Variants in CADPS observed in about 807,000 individuals in gnomAD.
CADPS encodes the protein calcium dependent secretion activator.
Under a neutral mutation model 167.3 loss-of-function variants are expected in CADPS, and 57 were observed. The observed-to-expected ratio is 0.34, with a 90% CI of 0.28 to 0.42. The LOEUF (loss-of-function observed/expected upper bound fraction) is 0.42, where lower values mean the gene tolerates loss of function less well. Among genes scored for constraint, CADPS ranks in the 20% least tolerant of loss-of-function variants. CADPS has a pLI of 1.00. For missense variants in CADPS, 1,414 were observed against 1,738.1 expected, an observed-to-expected ratio of 0.81 and a Z score of 3.32; for synonymous variants, 676 against 635.3, an observed-to-expected ratio of 1.06 and a Z score of -0.96.
intron 28 of CADPS, among the ~76,000 whole-genome samples, chr3:62,418,471 T>C (rs1401844936): frequency 6.7e-6 from 1 of 149,402 alleles, no homozygotes; most frequent in Non-Finnish European, 1.5e-5. Flanking sequence ...ACTACAGGTA[T>C]GCAACACCAT....
intron 6 of CADPS, among the ~76,000 whole-genome samples, chr3:62,643,507 T>G (rs2067876722): frequency 6.6e-6 from 1 of 152,210 alleles, no homozygotes; most frequent in East Asian, 1.9e-4. Flanking sequence ...TAGTTATGAG[T>G]AAGTATGTGT....
chr3:62,820,442 G>A (rs1165702488), intron 1 of CADPS, among the ~76,000 whole-genome samples: 1 of 152,006 alleles, frequency 6.6e-6, no homozygotes, highest in African/African-American at 2.4e-5. Flanking sequence ...CCAATACTCT[G>A]GGGTTTTCTC....
intron 10 of CADPS, among the ~76,000 whole-genome samples, chr3:62,556,487 A>G (rs2078167256): frequency 6.6e-6 from 1 of 152,192 alleles, no homozygotes; most frequent in African/African-American, 2.4e-5. Context: ...TGGAAGAGCA[A>G]TATGGGAGTA....
intron 9 of CADPS, among the ~76,000 whole-genome samples, chr3:62,566,056 C>T (rs2080120158): frequency 1.3e-5 from 2 of 152,186 alleles, no homozygotes; most frequent in Non-Finnish European, 2.9e-5. Flanking sequence ...TTGTGTGCTG[C>T]TAGCTCTCTA....
intron 1 of CADPS, among the ~76,000 whole-genome samples, chr3:62,812,736 C>A (rs1157769205): frequency 6.6e-6 from 1 of 152,054 alleles, no homozygotes; most frequent in Non-Finnish European, 1.5e-5. Flanking sequence ...GATGTTGGAC[C>A]CCTTTCTGAA....
intron 22 of CADPS, among the ~76,000 whole-genome samples, chr3:62,480,484 T>C (rs1345333355): frequency 6.6e-6 from 1 of 152,220 alleles, no homozygotes; most frequent in Non-Finnish European, 1.5e-5. Flanking sequence ...ATTGACCATA[T>C]GATTTTAGTG....
At chr3:62,542,630 G>T (rs1389455250) in intron 11 of CADPS, among the ~76,000 whole-genome samples, 1 of 152,108 alleles carries the variant, frequency 6.6e-6, no homozygotes, top group Non-Finnish European at 1.5e-5. Context: ...TTGCTTCGTG[G>T]TCCCTTTAGC....
chr3:62,498,184 T>G (rs1310641259), intron 18 of CADPS: 1 of 456,438 alleles, frequency 2.2e-6, no homozygotes, highest in Non-Finnish European at 4.4e-6. Context: ...TTGAATAAAA[T>G]AGTAGAAAAA....
intron 11 of CADPS, among the ~76,000 whole-genome samples, chr3:62,548,534 A>T (rs2076857448): frequency 6.6e-6 from 1 of 152,252 alleles, no homozygotes; most frequent in Non-Finnish European, 1.5e-5. Context: ...GTATTTCCTG[A>T]TCAACAAGGG....
chr3:62,526,672 G>A (rs2072310937), intron 13 of CADPS, among the ~76,000 whole-genome samples: 1 of 152,166 alleles, frequency 6.6e-6, no homozygotes, highest in Non-Finnish European at 1.5e-5. Context: ...TGGATTTTAT[G>A]ATCGCCAAAT....
At chr3:62,640,048 T>A (rs1461509094) in intron 6 of CADPS, among the ~76,000 whole-genome samples, 1 of 152,170 alleles carries the variant, frequency 6.6e-6, no homozygotes, top group Admixed American at 6.5e-5. Flanking sequence ...GAATGTTTGA[T>A]CCACAGGCCA....
At chr3:62,543,115 G>C (rs1323988435) in intron 11 of CADPS, among the ~76,000 whole-genome samples, 1 of 152,082 alleles carries the variant, frequency 6.6e-6, no homozygotes, top group Non-Finnish European at 1.5e-5. Flanking sequence ...ATGGTGTTTG[G>C]AAAATTTTAG....
At chr3:62,665,380 T>G (rs191083105) in intron 3 of CADPS, among the ~76,000 whole-genome samples, 1 of 152,306 alleles carries the variant, frequency 6.6e-6, no homozygotes, top group Admixed American at 6.5e-5. Flanking sequence ...TTGGTATCAT[T>G]ATCCCCATTT....
At chr3:62,690,999 G>C (rs2079006765) in intron 3 of CADPS, among the ~76,000 whole-genome samples, 1 of 152,080 alleles carries the variant, frequency 6.6e-6, no homozygotes, top group Non-Finnish European at 1.5e-5. Flanking sequence ...GCATGAAAAA[G>C]AAGTGAGCTA....
intron 1 of CADPS, among the ~76,000 whole-genome samples, chr3:62,851,414 G>A (rs1156712657): frequency 4.2e-5 from 6 of 143,058 alleles, no homozygotes; most frequent in East Asian, 2.1e-4. Flanking sequence ...GGCTGGTACT[G>A]GTTGTTCCTT....
rs1421425618 is a variant in CADPS, at chr3:62,874,729, CCTT to C, written c.298_300del (p.Lys100del). On this transcript the variant is annotated inframe_deletion, in exon 1 of 30. Transcript: ENST00000383710. This position sits in a 1 kb window ranked among gnomAD's most constrained non-coding sequence, Gnocchi z 7.1. ...TGCAGCCGCTCCAACTCTTCCTTCT[CCTT>C]CTCGCTCACCACCGACGGGCTGGGG... 1.3e-6 allele frequency: 2 copies of C among 1,529,962 alleles called. No homozygotes were observed. The highest frequency in any genetic ancestry group is 2.0e-5 in the Admixed American group (1 of 51,146). The allele number at this position is 1,529,962 out of a possible 1,614,324, so 94.8% of individuals were successfully genotyped here.
intron 1 of CADPS, among the ~76,000 whole-genome samples, chr3:62,834,926 TATC>T (rs1360317326): frequency 6.6e-6 from 1 of 152,176 alleles, no homozygotes; most frequent in African/African-American, 2.4e-5. Flanking sequence ...CATTGAGTAG[TATC>T]ATAATCTGGC....
At chr3:62,557,961 C>T (rs2152338678) in intron 9 of CADPS, among the ~76,000 whole-genome samples, 1 of 152,332 alleles carries the variant, frequency 6.6e-6, no homozygotes, top group Non-Finnish European at 1.5e-5. Context: ...GCCATGCTCG[C>T]AGATACAACA....
intron 6 of CADPS, among the ~76,000 whole-genome samples, chr3:62,603,308 C>G (rs148182193): frequency 3.3e-5 from 5 of 152,264 alleles, no homozygotes; most frequent in African/African-American, 1.2e-4. Context: ...CTTGATTATC[C>G]ATGGACATTA....
Sources: allele counts gnomAD v4.1 joint callset (sites outside exome capture counted in the v4.1 genomes callset), GRCh38; gene constraint gnomAD v4.1.1; non-coding constraint Gnocchi (gnomAD v3.1); transcripts MANE v1.5; gene names NCBI Gene and HGNC (gene_info 2026-07-23, HGNC 2026-07-21).